CCDC180: variants seen among roughly 807,000 people sequenced by gnomAD.
CCDC180 encodes the protein coiled-coil domain-containing protein 180.
CCDC180 carries 154 observed loss-of-function variants against 209.2 expected under a neutral mutation model. The observed-to-expected ratio is 0.74, with a 90% CI of 0.65 to 0.84. The LOEUF is 0.84. Ranked by LOEUF, CCDC180 falls within the 40% of genes least tolerant of loss-of-function variation. The pLI is 0.00. For synonymous variants in CCDC180, 778 were observed against 749.1 expected, an observed-to-expected ratio of 1.04 and a Z score of -0.63; for missense variants, 1,874 against 1,997.3, an observed-to-expected ratio of 0.94 and a Z score of 1.18.
In CCDC180 at chr9:97,322,907, G is replaced by A. The variant is rs568206807; in HGVS notation, c.1234G>A (p.Val412Met). Residue 412 changes from valine (V) to methionine (M), a missense_variant, in exon 12 of 37, where the codon GTG (valine) becomes ATG (methionine). Val to Met is a conservative substitution (Grantham distance 21, BLOSUM62 1). Transcript: ENST00000529487. ...EKTWQECLMH[V>M]QNCKKQLLDW... ...GACATGGCAGGAGTGCCTGATGCATGTGCAGAATTGTAAGGTGGGCACCCT... is the reference window on the plus strand; with the variant it reads ...GACATGGCAGGAGTGCCTGATGCATATGCAGAATTGTAAGGTGGGCACCCT... The A allele has an allele frequency of 6.2e-7, 1 of 1,613,972 alleles. No individual in the cohort carries two copies. Among genetic ancestry groups the A allele is most frequent in the Admixed American group, 1.7e-5 (1 of 60,032 alleles).
Position 97,317,077 on chromosome 9 carries a change from G to A in CCDC180, c.808G>A (p.Ala270Thr). 1 of 1,612,206 alleles carries A rather than the reference G, an allele frequency of 6.2e-7. No homozygotes were observed. ...TCTGTGACCACAGGTCATGAACTAT[G>A]CCCTGCTGGGCAACCGGAAGGCTCT... Reference protein sequence around the residue: ...INEEAMVMNYALLGNRKALAQ... With the variant: ...INEEAMVMNYTLLGNRKALAQ... The change falls in exon 9 of 37, where the codon GCC becomes ACC. Residue 270 changes from alanine (A) to threonine (T), a missense_variant. By Grantham distance (58) the Ala-to-Thr change is moderately conservative. Transcript: ENST00000529487.
rs1440316708 is a variant in CCDC180 at position 97,364,073 on chromosome 9, A to C, written c.3925A>C (p.Asn1309His). 1 of 1,614,094 alleles carries C rather than the reference A, an allele frequency of 6.2e-7. No individual in the cohort carries two copies. Among genetic ancestry groups the C allele is most frequent in the South Asian group, 1.1e-5 (1 of 91,058 alleles). Residue 1309 changes from asparagine to histidine, a missense_variant, in exon 29 of 37, where the codon AAC (asparagine) becomes CAC (histidine). Asn to His is a moderately conservative substitution (Grantham distance 68). Transcript: ENST00000529487. The part of the protein sequence containing the change: ...AGSFTPHPKP[N>H]KMERKYRVLG... ...CAGCTTCACACCGCACCCCAAGCCC[A>C]ACAAAATGGAGAGAAAGTACCGGGT...
At chr9:97,334,586 A>G (rs76524738) in intron 18 of CCDC180, among the ~76,000 whole-genome samples, 177 of 152,308 alleles carry the variant, frequency 1.2e-3, no homozygotes, top group African/African-American at 3.2e-3. Context: ...GCTCTGCTAC[A>G]TGTCCCTTTA....
intron 22 of CCDC180, among the ~76,000 whole-genome samples, chr9:97,354,322 A>G (rs1311938756): frequency 6.6e-6 from 1 of 152,084 alleles, no homozygotes; most frequent in African/African-American, 2.4e-5. Flanking sequence ...CAAGAAAGCT[A>G]TTTTTATTTC....
intron 22 of CCDC180, among the ~76,000 whole-genome samples, chr9:97,351,929 A>G (rs1009975651): frequency 7.2e-5 from 11 of 152,110 alleles, no homozygotes; most frequent in South Asian, 2.1e-4. Flanking sequence ...CCTTGCCAAC[A>G]TGGAGAAACC....
At chr9:97,343,262 A>G in intron 18 of CCDC180, 78 bp from the exon 19 acceptor site, 2 of 974,056 alleles carry the variant, frequency 2.1e-6, no homozygotes, top group Non-Finnish European at 3.1e-6. Context: ...ACAACCTCTG[A>G]TATCAAGGAA....
At position 97,356,794 on chromosome 9, in the gene CCDC180, A is replaced by G. The variant is rs926041773; in HGVS notation, c.3265-833A>G. Among the ~76,000 whole-genome samples the G allele has an allele frequency of 2.0e-5, 3 of 152,378 alleles. No homozygotes were observed. In the East Asian group the frequency reaches 5.8e-4, roughly 29 times the overall value. Reference sequence around the variant, plus strand: ...ACAAAATACATTTCCATCATGGACAATACTGGGAATATAGAACAAATACAA... The same window carrying G: ...ACAAAATACATTTCCATCATGGACAGTACTGGGAATATAGAACAAATACAA... On this transcript the variant is annotated intron_variant, in intron 24 of 36. Transcript: ENST00000529487.
intron 31 of CCDC180, 30 bp from the exon 32 acceptor site, chr9:97,369,867 GCAAGTTGATTCTAATCTGTTCCCTC>G (rs1192155521): frequency 1.3e-6 from 2 of 1,595,228 alleles, no homozygotes; most frequent in African/African-American, 2.7e-5. Context: ...GATCGCCTCT[GCAAGTTGATTCTAATCTGTTCCCTC>G]CCTTGGCCTC....
chr9:97,327,325 A>G (rs1833566620), intron 15 of CCDC180, among the ~76,000 whole-genome samples: 1 of 152,172 alleles, frequency 6.6e-6, no homozygotes, highest in Non-Finnish European at 1.5e-5. Context: ...ACACATACAT[A>G]GTGTTTTTAA....
chr9:97,366,127 T>C lies in CCDC180; in HGVS notation c.4047+388T>C, dbSNP rs1826912432. On this transcript the variant is annotated intron_variant, in intron 30 of 36. Coordinates refer to ENST00000529487, the MANE Select transcript of CCDC180 (RefSeq NM_020893.6). The surrounding 1 kb of genome is among the most constrained non-coding windows in gnomAD (Gnocchi z 4.3). The stretch of plus-strand genomic sequence containing the variant: ...CCCAGTGCCCTGTTCCCACATGCCC[T>C]GCACCGTAGTGCGAGTGCCTTCTCC... 6.6e-6 allele frequency among the ~76,000 whole-genome samples: 1 copy of C among 152,192 alleles called. No homozygotes were observed. The highest frequency in any genetic ancestry group is 2.1e-4 in the South Asian group (1 of 4,830).
At chr9:97,318,258 T>C (rs1030612342) in intron 9 of CCDC180, among the ~76,000 whole-genome samples, 1 of 152,056 alleles carries the variant, frequency 6.6e-6, no homozygotes, top group Non-Finnish European at 1.5e-5. Flanking sequence ...CATTCCTCTG[T>C]CCCCGCTTTC....
intron 33 of CCDC180, 99 bp from the exon 34 acceptor site, chr9:97,371,496 T>G (rs1587837934): frequency 3.1e-6 from 2 of 645,112 alleles, no homozygotes. Flanking sequence ...ATGGCTTGGG[T>G]CCCCAGATCT....
intron 36 of CCDC180, 167 bp from the exon 37 acceptor site, chr9:97,376,596 A>C: frequency 1.5e-6 from 1 of 664,148 alleles, no homozygotes; most frequent in Non-Finnish European, 2.5e-6. Context: ...TAAAATGGGG[A>C]AAACAACTAG....
chr9:97,371,578 C>T lies in CCDC180; in HGVS notation c.4489-17C>T, dbSNP rs771295074. ...GATCCTCTCCTAGCAGCACTGTGCT[C>T]ACCATGTTTTTTCCAGGAATGTACC... On this transcript the variant is annotated splice_polypyrimidine_tract_variant and intron_variant, in intron 33 of 36. Coordinates refer to ENST00000529487, the MANE Select transcript of CCDC180 (RefSeq NM_020893.6). 5.8e-6 allele frequency: 9 copies of T among 1,542,218 alleles called. No homozygotes were observed. The South Asian group carries it at 8.0e-5, about 14-fold the overall frequency.
Position 97,330,701 on chromosome 9 carries a change from G to A in CCDC180, c.2208G>A (p.Glu736=), listed in dbSNP as rs766157087. The change falls in exon 18 of 37, where the codon GAG becomes GAA. Residue 736 remains glutamate, a synonymous_variant. Coordinates refer to ENST00000529487, the MANE Select transcript of CCDC180 (RefSeq NM_020893.6). ...AGAAGGAGGAAGAGGAGGAGGAGGA[G>A]AAGCTGGAGGAAGAGAAGGAGGAGA... is the stretch of plus-strand genomic sequence containing the variant. ...EDEKEEEEEE[E]KLEEEKEEKE... The A allele has an allele frequency of 1.2e-6, 2 of 1,608,342 alleles. No homozygotes were observed. The highest frequency in any genetic ancestry group is 3.3e-5 in the Admixed American group (2 of 59,876).
chr9:97,352,897 A>C (rs1047148686), intron 22 of CCDC180, among the ~76,000 whole-genome samples: 1 of 151,468 alleles, frequency 6.6e-6, no homozygotes, highest in African/African-American at 2.4e-5. Flanking sequence ...TTGAGTTTTC[A>C]ATTTTAATTA....
At chr9:97,343,753 A>G (rs1035362714) in intron 19 of CCDC180, 190 bp downstream of exon 19, 2 of 579,378 alleles carry the variant, frequency 3.5e-6, no homozygotes, top group Non-Finnish European at 6.1e-6. Flanking sequence ...GCAGTCACAG[A>G]TATCTTCTGT....
At chr9:97,370,174 G>T in intron 32 of CCDC180, 92 bp downstream of exon 32, 3 of 1,393,732 alleles carry the variant, frequency 2.2e-6, no homozygotes, top group East Asian at 2.4e-5. Context: ...CCAAGTCCAA[G>T]GGAAGAAGGT....
intron 33 of CCDC180, 172 bp downstream of exon 33, chr9:97,370,950 CTTTTTT>C (rs67153822): frequency 1.5e-4 from 17 of 114,518 alleles, no homozygotes; most frequent in Non-Finnish European, 1.9e-4. Context: ...AACTTGTATA[CTTTTTT>C]TTTTTTTTTT....
Sources: gnomAD v4.1 joint callset for allele counts (sites outside exome capture counted in the v4.1 genomes callset) on GRCh38, gnomAD v4.1.1 for gene constraint, Gnocchi (gnomAD v3.1) non-coding constraint, MANE v1.5 for transcripts, NCBI Gene and HGNC (gene_info 2026-07-23, HGNC 2026-07-21) for gene names.